The following KCNN2 variants were observed in gnomAD, a reference collection of about 807,000 sequenced individuals.
KCNN2 encodes potassium calcium-activated channel subfamily N member 2.
Under a neutral mutation model 55.5 loss-of-function variants are expected in KCNN2, and 24 were observed. That is an observed-to-expected ratio of 0.43 (90% CI 0.31 to 0.61). KCNN2 has a LOEUF of 0.61. Among genes scored for constraint, KCNN2 ranks in the 20% least tolerant of loss-of-function variants. The pLI is 0.08. For synonymous variants in KCNN2, 431 were observed against 336.1 expected (o/e 1.28, Z -3.09); for missense variants, 754 against 853.6 (o/e 0.88, Z 1.45).
chr5:114,262,400 A>C (rs1181415120), intron 2 of KCNN2, among the ~76,000 whole-genome samples: 1 of 152,222 alleles, frequency 6.6e-6, no homozygotes, highest in Non-Finnish European at 1.5e-5. Context: ...CAGTTAAAAC[A>C]CAAGAAGTTA....
chr5:114,116,750 T>A (rs1442114010), intron 1 of KCNN2, among the ~76,000 whole-genome samples: 3 of 152,190 alleles, frequency 2.0e-5, no homozygotes, highest in Non-Finnish European at 4.4e-5. Flanking sequence ...TTGGCCATCA[T>A]CCATTTTTGA....
At chr5:114,369,537 T>C (rs1262703066) in intron 2 of KCNN2, among the ~76,000 whole-genome samples, 1 of 152,152 alleles carries the variant, frequency 6.6e-6, no homozygotes, top group African/African-American at 2.4e-5. Flanking sequence ...AGGTTGAAGG[T>C]AAGACTCCAA....
intron 1 of KCNN2, among the ~76,000 whole-genome samples, chr5:114,211,309 C>T (rs1051097634): frequency 6.6e-6 from 1 of 152,094 alleles, no homozygotes; most frequent in Non-Finnish European, 1.5e-5. Flanking sequence ...TGGAACCAAC[C>T]TAAATGCCCA....
upstream of KCNN2, among the ~76,000 whole-genome samples, chr5:114,357,231 A>C (rs571509722): frequency 7.9e-5 from 12 of 152,182 alleles, no homozygotes; most frequent in African/African-American, 2.9e-4. Context: ...AAAGAAGAGA[A>C]TTATGAACAA....
intron 1 of KCNN2, among the ~76,000 whole-genome samples, chr5:114,167,306 T>C (rs1343633433): frequency 2.0e-5 from 3 of 152,192 alleles, no homozygotes; most frequent in Non-Finnish European, 4.4e-5. Context: ...TATTATTTTA[T>C]GCTACCAAGT....
At chr5:114,156,928 T>C (rs1752647194) in intron 1 of KCNN2, among the ~76,000 whole-genome samples, 1 of 152,118 alleles carries the variant, frequency 6.6e-6, no homozygotes, top group Admixed American at 6.6e-5. Context: ...AGCAAGTATT[T>C]TTTCCAGGTT....
At chr5:114,187,006 C>T (rs1364624897) in intron 1 of KCNN2, among the ~76,000 whole-genome samples, 2 of 152,106 alleles carry the variant, frequency 1.3e-5, no homozygotes, top group African/African-American at 2.4e-5. Context: ...TTGGTACATC[C>T]ACCCCATAAA....
chr5:114,287,060 C>T (rs933512769), intron 2 of KCNN2, among the ~76,000 whole-genome samples: 5 of 152,138 alleles, frequency 3.3e-5, no homozygotes, highest in Non-Finnish European at 5.9e-5. Context: ...AGCTCAGAAT[C>T]GTCAGCCAGT....
At chr5:114,063,795 G>T (rs938876946) in intron 1 of KCNN2, among the ~76,000 whole-genome samples, 5 of 152,136 alleles carry the variant, frequency 3.3e-5, no homozygotes, top group African/African-American at 1.2e-4. Flanking sequence ...CTGGAAAGTT[G>T]GTCACCCTAA....
At chr5:114,333,525 T>C (rs754311923) in intron 2 of KCNN2, among the ~76,000 whole-genome samples, 1 of 152,162 alleles carries the variant, frequency 6.6e-6, no homozygotes, top group Non-Finnish European at 1.5e-5. Flanking sequence ...TCCAATATTT[T>C]CTATGTAGGT....
chr5:114,348,946 T>A (rs1757161482), intron 2 of KCNN2, among the ~76,000 whole-genome samples: 2 of 152,108 alleles, frequency 1.3e-5, no homozygotes, highest in Non-Finnish European at 2.9e-5. Context: ...TTAAAGTGTA[T>A]AAATCAATAG....
intron 2 of KCNN2, among the ~76,000 whole-genome samples, chr5:114,334,059 A>C (rs2150034091): frequency 6.6e-6 from 1 of 152,278 alleles, no homozygotes; most frequent in Admixed American, 6.5e-5. Context: ...CTATTTCCAA[A>C]ACTTCTGCCA....
chr5:114,128,053 G>T lies in KCNN2; in HGVS notation c.-271+71553G>T, dbSNP rs984990607. 3.2e-4 allele frequency among the ~76,000 whole-genome samples: 48 copies of T among 152,234 alleles called. 1 individual carries two copies. The highest frequency in any genetic ancestry group is 6.8e-3 in the Middle Eastern group (2 of 294). On this transcript the variant is annotated intron_variant, in intron 1 of 10. Transcript: ENST00000512097. Reference sequence around the variant, plus strand: ...GTTCCAAACTGTCCCACATCTTCCTGTCTTCTTCTGAGCCCTCCAAACTGT... The same window carrying T: ...GTTCCAAACTGTCCCACATCTTCCTTTCTTCTTCTGAGCCCTCCAAACTGT...
At chr5:114,213,961 A>T (rs1753941840) in intron 1 of KCNN2, among the ~76,000 whole-genome samples, 1 of 151,982 alleles carries the variant, frequency 6.6e-6, no homozygotes, top group Non-Finnish European at 1.5e-5. Context: ...ACATTTATTG[A>T]GTGTTTACCC....
At chr5:114,450,573 T>TG (rs1303869871) in intron 3 of KCNN2, among the ~76,000 whole-genome samples, 1 of 152,252 alleles carries the variant, frequency 6.6e-6, no homozygotes, top group Non-Finnish European at 1.5e-5. Context: ...ATAATTCTCT[T>TG]CAGGCGTTTT....
intron 1 of KCNN2, among the ~76,000 whole-genome samples, chr5:114,065,221 AG>A (rs1750421118): frequency 6.6e-6 from 1 of 152,210 alleles, no homozygotes; most frequent in Admixed American, 6.5e-5. Flanking sequence ...AAGACAAAAG[AG>A]GAACTTAGCT....
chr5:114,293,831 T>C (rs1415224829), intron 2 of KCNN2, among the ~76,000 whole-genome samples: 1 of 152,186 alleles, frequency 6.6e-6, no homozygotes, highest in Non-Finnish European at 1.5e-5. Flanking sequence ...CTGGACTCTT[T>C]TTGGTTGGTA....
intron 2 of KCNN2, among the ~76,000 whole-genome samples, chr5:114,347,179 AG>A (rs1757122469): frequency 6.6e-6 from 1 of 152,234 alleles, no homozygotes; most frequent in South Asian, 2.1e-4. Context: ...TAATTGCTAC[AG>A]AAAATAATCC....
chr5:114,320,559 A>G (rs1756595661), intron 2 of KCNN2, among the ~76,000 whole-genome samples: 1 of 151,544 alleles, frequency 6.6e-6, no homozygotes, highest in Non-Finnish European at 1.5e-5. Context: ...GCTGGCAGTG[A>G]GCCGAGATCG....
Sources: allele counts gnomAD v4.1 joint callset (sites outside exome capture counted in the v4.1 genomes callset), GRCh38; gene constraint gnomAD v4.1.1; transcripts MANE v1.5; gene names NCBI Gene and HGNC (gene_info 2026-07-23, HGNC 2026-07-21).